MAP2: variants seen among roughly 807,000 people sequenced by gnomAD.
MAP2 encodes the protein microtubule-associated protein 2.
MAP2 carries 14 observed loss-of-function variants against 137.6 expected under a neutral mutation model. The ratio of observed to expected loss-of-function variants is 0.10; its 90% CI spans 0.07 to 0.16. The LOEUF is 0.16. MAP2 is among the 10% of genes least tolerant of loss of function. The probability of loss-of-function intolerance (pLI) is 1.00; values close to 1 mark genes in which losing one functional copy is unlikely to be tolerated. For synonymous variants in MAP2, 786 were observed against 782.3 expected (o/e 1.00, Z -0.08); for missense variants, 2,088 against 2,191.5 (o/e 0.95, Z 0.94).
At chr2:209,624,113 T>G (rs555665614) in intron 3 of MAP2, among the ~76,000 whole-genome samples, 24 of 152,280 alleles carry the variant, frequency 1.6e-4, no homozygotes, top group African/African-American at 5.1e-4. Flanking sequence ...GCCATCTGCA[T>G]CTTGTCTTTC....
At chr2:209,502,188 C>A (rs911009113) in intron 1 of MAP2, among the ~76,000 whole-genome samples, 3 of 152,084 alleles carry the variant, frequency 2.0e-5, no homozygotes, top group Admixed American at 1.3e-4. Context: ...TACATTAGAC[C>A]TCTAGGTTTA....
At chr2:209,559,488 A>G in intron 2 of MAP2, among the ~76,000 whole-genome samples, 1 of 148,644 alleles carries the variant, frequency 6.7e-6, no homozygotes, top group Admixed American at 6.7e-5. Context: ...ACAAAAAAAA[A>G]AAAAAAAAAA....
At chr2:209,521,895 A>T (rs1054527571) in intron 2 of MAP2, among the ~76,000 whole-genome samples, 1 of 152,090 alleles carries the variant, frequency 6.6e-6, no homozygotes, top group South Asian at 2.1e-4. Flanking sequence ...AGTGTAGTTC[A>T]GTTCAGTTTT....
intron 13 of MAP2, chr2:209,723,534 T>G: frequency 9.7e-6 from 9 of 925,278 alleles, no homozygotes; most frequent in Non-Finnish European, 1.6e-5. Context: ...CCATTCTGGT[T>G]CCCTTTATCC....
chr2:209,659,675 T>C (rs1217331570), intron 5 of MAP2, among the ~76,000 whole-genome samples: 1 of 152,128 alleles, frequency 6.6e-6, no homozygotes, highest in East Asian at 1.9e-4. Flanking sequence ...TTAAAGTATT[T>C]AAAATCAGGC....
chr2:209,447,318 A>G (rs1699308719), intron 1 of MAP2, among the ~76,000 whole-genome samples: 1 of 152,104 alleles, frequency 6.6e-6, no homozygotes, highest in Non-Finnish European at 1.5e-5. Flanking sequence ...CAGAACTACC[A>G]AATATTATCC....
At chr2:209,704,023 C>T (rs1421956050) in intron 11 of MAP2, 2 of 455,166 alleles carry the variant, frequency 4.4e-6, no homozygotes, top group Non-Finnish European at 8.8e-6. Context: ...GGGTATATTA[C>T]GTGATGCTGA....
chr2:209,570,471 T>C (rs2074210038), intron 2 of MAP2, among the ~76,000 whole-genome samples: 1 of 151,890 alleles, frequency 6.6e-6, no homozygotes, highest in Non-Finnish European at 1.5e-5. Context: ...TTGAATAAAA[T>C]AATGTACTCA....
At chr2:209,429,046 C>T (rs1191045690) in intron 1 of MAP2, among the ~76,000 whole-genome samples, 5 of 152,180 alleles carry the variant, frequency 3.3e-5, no homozygotes, top group African/African-American at 7.2e-5. Flanking sequence ...CTCCGCCCCC[C>T]GGGTTCACGC....
chr2:209,579,614 G>C lies in MAP2; in HGVS notation c.-171-422G>C, dbSNP rs549518099. On this transcript the variant is annotated intron_variant, in intron 2 of 15. Coordinates refer to ENST00000682079, the MANE Select transcript of MAP2 (RefSeq NM_001375505.1). ...AGCTTCCCTTTCCCCGGCACACACA[G>C]ACACGAGCTGGTGGCTTGCAGACTG... 1.3e-3 allele frequency: 194 copies of C among 152,380 alleles called. 1 individual carries two copies. Among genetic ancestry groups the C allele is most frequent in the African/African-American group, 4.5e-3 (185 of 41,550 alleles). 9.4% of individuals were successfully genotyped at this position (152,380 alleles called of 1,614,324 possible). A position where few individuals can be genotyped will look rare whatever the true frequency, so the allele number is the denominator to read the frequency against.
At chr2:209,679,336 T>C (rs2053431868) in intron 6 of MAP2, among the ~76,000 whole-genome samples, 1 of 98,070 alleles carries the variant, frequency 1.0e-5, no homozygotes, top group Non-Finnish European at 1.8e-5. Flanking sequence ...GATAGATAGA[T>C]AGATAGATAG....
chr2:209,695,308 A>G lies in MAP2; in HGVS notation c.3138A>G (p.Leu1046=), dbSNP rs1482281894. The stretch of plus-strand genomic sequence containing the variant: ...TGGATTTTGCTGTCCAGGGTCAACT[A>G]GATGTTAAAATTAGTGACTTTGGAC... ...QGLDFAVQGQ[L]DVKISDFGQM... Residue 1046 remains leucine (L), a synonymous_variant, in exon 8 of 16, where the codon CTA becomes CTG. Coordinates refer to ENST00000682079, the MANE Select transcript of MAP2 (RefSeq NM_001375505.1). 1 of 1,614,048 alleles carries G rather than the reference A, an allele frequency of 6.2e-7. No homozygotes were observed. The highest frequency in any genetic ancestry group is 1.7e-5 in the Admixed American group (1 of 60,010).
intron 2 of MAP2, among the ~76,000 whole-genome samples, chr2:209,512,262 C>A (rs1368028194): frequency 1.3e-5 from 2 of 151,838 alleles, no homozygotes; most frequent in Non-Finnish European, 2.9e-5. Flanking sequence ...CAAAACACCA[C>A]CTTGTGTCTG....
chr2:209,442,115 T>A (rs1697939343), intron 1 of MAP2, among the ~76,000 whole-genome samples: 1 of 151,570 alleles, frequency 6.6e-6, no homozygotes, highest in African/African-American at 2.4e-5. Flanking sequence ...ATGTAAGTGC[T>A]TCAGAAAGGC....
chr2:209,679,055 T>C (rs960484804), intron 6 of MAP2, among the ~76,000 whole-genome samples: 6 of 152,122 alleles, frequency 3.9e-5, no homozygotes, highest in African/African-American at 1.4e-4. Context: ...TATTTCCCTT[T>C]ACAGGTTTTG....
intron 1 of MAP2, among the ~76,000 whole-genome samples, chr2:209,501,346 G>A (rs1298707378): frequency 1.3e-5 from 2 of 152,144 alleles, no homozygotes; most frequent in Non-Finnish European, 2.9e-5. Flanking sequence ...TATTCCTTGT[G>A]AGGTATAATC....
intron 1 of MAP2, among the ~76,000 whole-genome samples, chr2:209,448,265 A>C (rs572052174): frequency 6.6e-6 from 1 of 152,100 alleles, no homozygotes. Context: ...TAATCACTTG[A>C]GGTTGGGAGG....
intron 4 of MAP2, among the ~76,000 whole-genome samples, chr2:209,649,759 A>G (rs1346788166): frequency 6.6e-6 from 1 of 152,212 alleles, no homozygotes; most frequent in Non-Finnish European, 1.5e-5. Context: ...TAATCTGCAT[A>G]CATTTTAAGG....
In MAP2 at chr2:209,626,723, A is replaced by G. The variant is rs749826683; in HGVS notation, c.-30+1594A>G. Among the ~76,000 whole-genome samples the G allele has an allele frequency of 4.5e-4, 69 of 152,254 alleles. 1 individual carries two copies. Among genetic ancestry groups the G allele is most frequent in the Non-Finnish European group, 8.4e-4 (57 of 68,010 alleles). ...AGATATTCTTTTGCATCTCATCTTT[A>G]CCCAATATTATATGTAGAGATTCTT... is the stretch of plus-strand genomic sequence containing the variant. On this transcript the variant is annotated intron_variant, in intron 4 of 15. Transcript: ENST00000682079.
Sources: gnomAD v4.1 joint callset for allele counts (sites outside exome capture counted in the v4.1 genomes callset) on GRCh38, gnomAD v4.1.1 for gene constraint, MANE v1.5 for transcripts, NCBI Gene and HGNC (gene_info 2026-07-23, HGNC 2026-07-21) for gene names.